RASSF9: variants seen among roughly 807,000 people sequenced by gnomAD.
RASSF9 encodes the protein ras association domain-containing protein 9.
Under a neutral mutation model 21.4 loss-of-function variants are expected in RASSF9, and 18 were observed. That is an observed-to-expected ratio of 0.84 (90% CI 0.58 to 1.25). The LOEUF is 1.25. Ranked by LOEUF, RASSF9 falls within the 50% of genes most tolerant of loss-of-function variation. The pLI, the probability that RASSF9 is intolerant of heterozygous loss-of-function variation, is 0.00. For synonymous variants in RASSF9, 183 were observed against 179.1 expected (o/e 1.02, Z -0.18); for missense variants, 480 against 503.2 (o/e 0.95, Z 0.44).
At chr12:85,814,755 TG>T (rs1169637695) in intron 1 of RASSF9, among the ~76,000 whole-genome samples, 1 of 152,036 alleles carries the variant, frequency 6.6e-6, no homozygotes, top group Non-Finnish European at 1.5e-5. Context: ...ACTCCAGAGC[TG>T]GTTCTAAGGA....
intron 1 of RASSF9, among the ~76,000 whole-genome samples, chr12:85,832,349 T>A (rs1773163090): frequency 6.6e-6 from 1 of 151,922 alleles, no homozygotes; most frequent in Admixed American, 6.6e-5. Context: ...CTCCAAATCT[T>A]ATTAATTAAA....
intron 1 of RASSF9, among the ~76,000 whole-genome samples, chr12:85,822,315 G>A (rs12305718): frequency 0.021 from 3,182 of 152,248 alleles, 120 homozygotes; most frequent in African/African-American, 0.072. Flanking sequence ...TAAGTCATAT[G>A]CAGGAATTTC....
chr12:85,820,568 C>G (rs981209262), intron 1 of RASSF9, among the ~76,000 whole-genome samples: 1 of 151,654 alleles, frequency 6.6e-6, no homozygotes, highest in Non-Finnish European at 1.5e-5. Flanking sequence ...CTTTTTTTAC[C>G]ATATAAAATG....
rs1030168295 is a variant in RASSF9, at chr12:85,801,792, G to A, written c.*2910C>T. 10 of 152,224 alleles carry A rather than the reference G, an allele frequency of 6.6e-5. 2 individuals are homozygous for A. Among genetic ancestry groups the A allele is most frequent in the Admixed American group, 6.5e-4 (10 of 15,276 alleles). 9.4% of individuals were successfully genotyped at this position (152,224 alleles called of 1,614,324 possible). ...ATCGCGCCACTGCACTCCAGCCTGG[G>A]CGACAGAGTGAGACTCCGTCTCAAG... On this transcript the variant is annotated 3_prime_UTR_variant, in exon 2 of 2. Transcript: ENST00000361228.
chr12:85,817,455 T>C (rs111600129), intron 1 of RASSF9, among the ~76,000 whole-genome samples: 1,622 of 152,148 alleles, frequency 0.011, 35 homozygotes, highest in African/African-American at 0.037. Flanking sequence ...ACTAGTTGTC[T>C]TTGTAATTAG....
chr12:85,824,824 C>G (rs117304981), intron 1 of RASSF9, among the ~76,000 whole-genome samples: 2,008 of 152,290 alleles, frequency 0.013, 19 homozygotes, highest in Middle Eastern at 0.027. Context: ...ATCTGCCACG[C>G]TTTTATTTTG....
Position 85,802,910 on chromosome 12 carries a change from A to G in RASSF9, c.*1792T>C, listed in dbSNP as rs1174158810. 1 of 152,174 alleles carries G rather than the reference A, an allele frequency of 6.6e-6. No homozygotes were observed. Among genetic ancestry groups the G allele is most frequent in the Non-Finnish European group, 1.5e-5 (1 of 67,994 alleles). 9.4% of individuals were successfully genotyped at this position (152,174 alleles called of 1,614,324 possible). On this transcript the variant is annotated 3_prime_UTR_variant, in exon 2 of 2. Transcript: ENST00000361228. ...TTTAAAAAAATGTAACCGATGCCAG[A>G]ATTATTACTCTTTATCACTGTATTT...
At chr12:85,822,821 C>T (rs1265948743) in intron 1 of RASSF9, among the ~76,000 whole-genome samples, 2 of 152,166 alleles carry the variant, frequency 1.3e-5, no homozygotes. Context: ...TTCCCCTCCA[C>T]TATCTTTCCT....
At position 85,803,914 on chromosome 12, in the gene RASSF9, A is replaced by C. The variant is rs1879755922; in HGVS notation, c.*788T>G. 1 of 152,198 alleles carries C rather than the reference A, an allele frequency of 6.6e-6. No individual in the cohort carries two copies. 9.4% of individuals were successfully genotyped at this position (152,198 alleles called of 1,614,324 possible). On this transcript the variant is annotated 3_prime_UTR_variant, in exon 2 of 2. Coordinates refer to ENST00000361228, the MANE Select transcript of RASSF9 (RefSeq NM_005447.4). ...TGTAGATAGGACATAAACAAATAAC[A>C]CTATGACTGATTTTCTCTGTAACCC...
intron 1 of RASSF9, among the ~76,000 whole-genome samples, chr12:85,820,643 C>T (rs947341267): frequency 7.2e-5 from 11 of 152,074 alleles, no homozygotes; most frequent in African/African-American, 2.7e-4. Flanking sequence ...TAATATTTCC[C>T]TCATGTAAAT....
chr12:85,830,746 C>T (rs1266288125), intron 1 of RASSF9, among the ~76,000 whole-genome samples: 1 of 152,100 alleles, frequency 6.6e-6, no homozygotes, highest in Non-Finnish European at 1.5e-5. Context: ...CAAGGCTCTA[C>T]TCCACTTGCA....
At chr12:85,829,587 T>G (rs926539853) in intron 1 of RASSF9, among the ~76,000 whole-genome samples, 3 of 152,188 alleles carry the variant, frequency 2.0e-5, no homozygotes, top group Non-Finnish European at 2.9e-5. Context: ...CTTAGCCCTG[T>G]ATGATTCAGC....
intron 1 of RASSF9, among the ~76,000 whole-genome samples, chr12:85,814,392 C>G (rs1161657140): frequency 1.3e-5 from 2 of 151,944 alleles, no homozygotes; most frequent in African/African-American, 4.8e-5. Context: ...AGATAAATAT[C>G]CTACAATGCA....
At chr12:85,826,828 C>T (rs1440037056) in intron 1 of RASSF9, among the ~76,000 whole-genome samples, 2 of 151,998 alleles carry the variant, frequency 1.3e-5, no homozygotes, top group African/African-American at 4.8e-5. Context: ...GCTCATAGCC[C>T]TTCAATGGTT....
At chr12:85,822,310 C>A (rs1880228656) in intron 1 of RASSF9, among the ~76,000 whole-genome samples, 1 of 152,294 alleles carries the variant, frequency 6.6e-6, no homozygotes, top group African/African-American at 2.4e-5. Context: ...GGACATAAGT[C>A]ATATGCAGGA....
intron 1 of RASSF9, among the ~76,000 whole-genome samples, chr12:85,817,098 A>G (rs1021399577): frequency 5.9e-5 from 9 of 152,178 alleles, no homozygotes; most frequent in African/African-American, 1.9e-4. Context: ...GAATGAAAGC[A>G]TATAATACAT....
At position 85,805,777 on chromosome 12, in the gene RASSF9, C is replaced by G. The variant is rs1592526164; in HGVS notation, c.233G>C (p.Cys78Ser). The G allele has an allele frequency of 5.6e-6, 9 of 1,613,852 alleles. No homozygotes were observed. The East Asian group carries it at 2.0e-4, about 36-fold the overall frequency. ...RFLLGKPSDY[C>S]IIEKWRGSER... Reference sequence around the variant, plus strand: ...GGAGCCTCTCCACTTCTCTATGATGCAGTAATCACTGGGCTTCCCCAGAAG... The same window carrying G: ...GGAGCCTCTCCACTTCTCTATGATGGAGTAATCACTGGGCTTCCCCAGAAG... Residue 78 changes from cysteine (C) to serine (S), a missense_variant, in exon 2 of 2, where the codon TGC becomes TCC. Transcript: ENST00000361228.
rs112741704 is a variant in RASSF9 at position 85,809,668 on chromosome 12, A to AATGATGATG, written c.48-3715_48-3707dup. On this transcript the variant is annotated intron_variant, in intron 1 of 1. Transcript: ENST00000361228. Reference sequence around the variant, plus strand: ...TCATTTTTAATAGTAGAATAGTAATAATGATGATGATGATGATGATGATGA... The same window carrying AATGATGATG: ...TCATTTTTAATAGTAGAATAGTAATAATGATGATGATGATGATGATGATGATGATGATGA... Among the ~76,000 whole-genome samples, 12 of 139,276 alleles carry AATGATGATG rather than the reference A, an allele frequency of 8.6e-5. 1 individual carries two copies. Among genetic ancestry groups the AATGATGATG allele is most frequent in the South Asian group, 4.4e-4 (2 of 4,588 alleles). 91.4% of individuals were successfully genotyped at this position (139,276 alleles called of 152,430 possible). A position where few individuals can be genotyped will look rare whatever the true frequency, so the allele number is the denominator to read the frequency against.
chr12:85,809,663 GTAATAATGATGA>G (rs1328496868), intron 1 of RASSF9, among the ~76,000 whole-genome samples: 1 of 131,934 alleles, frequency 7.6e-6, no homozygotes, highest in African/African-American at 3.0e-5. Context: ...TAGTAGAATA[GTAATAATGATGA>G]TGATGATGAT....
Sources: allele counts gnomAD v4.1 joint callset (sites outside exome capture counted in the v4.1 genomes callset), GRCh38; gene constraint gnomAD v4.1.1; transcripts MANE v1.5; gene names NCBI Gene and HGNC (gene_info 2026-07-23, HGNC 2026-07-21).